LRP11: variants seen among roughly 807,000 people sequenced by gnomAD.
The protein encoded by LRP11 is low-density lipoprotein receptor-related protein 11.
A neutral mutation model predicts 43.1 loss-of-function variants in LRP11; 25 were observed. The ratio of observed to expected loss-of-function variants is 0.58; its 90% CI spans 0.42 to 0.81. The LOEUF is 0.81. Among genes scored for constraint, LRP11 ranks in the 30% least tolerant of loss-of-function variants. The pLI, the probability that LRP11 is intolerant of heterozygous loss-of-function variation, is 0.00. For missense variants in LRP11, 623 were observed against 665.1 expected, an observed-to-expected ratio of 0.94 and a Z score of 0.70; for synonymous variants, 316 against 299.4, an observed-to-expected ratio of 1.06 and a Z score of -0.57.
chr6:149,825,785 A>AATTCGCCTC (rs1161851594), intron 6 of LRP11, among the ~76,000 whole-genome samples: 1 of 151,870 alleles, frequency 6.6e-6, no homozygotes, highest in Non-Finnish European at 1.5e-5. Flanking sequence ...CCTCCCTGGG[A>AATTCGCCTC]CTACAGGCGA....
chr6:149,853,664 C>T (rs1177430465), intron 1 of LRP11, among the ~76,000 whole-genome samples: 1 of 152,162 alleles, frequency 6.6e-6, no homozygotes, highest in Non-Finnish European at 1.5e-5. Flanking sequence ...TGTGCCACCA[C>T]ATCCTGCTAA....
At position 149,827,003 on chromosome 6, in the gene LRP11, G is replaced by A. The variant is rs1373993434; in HGVS notation, c.1253-644C>T. Among the ~76,000 whole-genome samples, 1 of 146,610 alleles carries A rather than the reference G, an allele frequency of 6.8e-6. No individual in the cohort carries two copies. Among genetic ancestry groups the A allele is most frequent in the African/African-American group, 2.6e-5 (1 of 38,922 alleles). On this transcript the variant is annotated intron_variant, in intron 5 of 6. Coordinates refer to ENST00000239367, the MANE Select transcript of LRP11 (RefSeq NM_032832.6). The surrounding 1 kb of genome is among the most constrained non-coding windows in gnomAD (Gnocchi z 4.2). ...TTTTTTTTTTTGAGACAGAGTCTCTGTTGCCCAGATTGGAGTGCAGTGGCA... is the reference window on the plus strand; with the variant it reads ...TTTTTTTTTTTGAGACAGAGTCTCTATTGCCCAGATTGGAGTGCAGTGGCA...
intron 3 of LRP11, 53 bp from the exon 4 acceptor site, chr6:149,837,516 G>C: frequency 6.3e-7 from 1 of 1,586,288 alleles, no homozygotes; most frequent in South Asian, 1.1e-5. Flanking sequence ...AGACTCTCAA[G>C]ATGGGGATGA....
rs931105590 is a variant in LRP11, at chr6:149,863,701, G to A, written c.320C>T (p.Thr107Ile). Residue 107 changes from threonine to isoleucine, a missense_variant, in exon 1 of 7, where the codon ACC (threonine) becomes ATC (isoleucine). By Grantham distance (89) the Thr-to-Ile change is moderately conservative. Transcript: ENST00000239367. ...GGCACCCGCCGCCAGGGAGTCCTTG[G>A]TGCGGATGATGGCGTCAGGCATTGC... ...YSAMPDAIIR[T>I]KDSLAAGASF... 2.0e-6 allele frequency: 3 copies of A among 1,481,738 alleles called. No homozygotes were observed. Among genetic ancestry groups the A allele is most frequent in the Middle Eastern group, 2.3e-4 (1 of 4,280 alleles). 91.8% of individuals were successfully genotyped at this position (1,481,738 alleles called of 1,614,324 possible).
intron 2 of LRP11, chr6:149,852,617 T>C (rs1776737812): frequency 6.3e-6 from 1 of 157,694 alleles, no homozygotes; most frequent in Non-Finnish European, 1.4e-5. Context: ...CCTATTGTTA[T>C]TGTCCTCTTT....
chr6:149,841,354 T>A (rs907378496), intron 3 of LRP11, among the ~76,000 whole-genome samples: 3 of 152,182 alleles, frequency 2.0e-5, no homozygotes, highest in Non-Finnish European at 4.4e-5. Context: ...GTCACAGACT[T>A]ACTGCAAGTT....
chr6:149,854,949 ACT>A (rs1776776723), intron 1 of LRP11, among the ~76,000 whole-genome samples: 1 of 152,094 alleles, frequency 6.6e-6, no homozygotes, highest in Non-Finnish European at 1.5e-5. Context: ...AGCTGAAATG[ACT>A]CTTCTGGAAA....
chr6:149,825,934 C>T (rs1382271249), intron 6 of LRP11, among the ~76,000 whole-genome samples: 2 of 152,208 alleles, frequency 1.3e-5, no homozygotes, highest in Admixed American at 6.5e-5. Flanking sequence ...CAGGCGTGAG[C>T]CACTGTGCCC....
At position 149,820,708 on chromosome 6, in the gene LRP11, G is replaced by A. The variant is rs747564531; in HGVS notation, c.1349-5C>T. The A allele has an allele frequency of 3.8e-6, 3 of 780,828 alleles. No homozygotes were observed. Among genetic ancestry groups the A allele is most frequent in the Non-Finnish European group, 7.2e-6 (3 of 418,048 alleles). 48.4% of individuals were successfully genotyped at this position (780,828 alleles called of 1,614,324 possible). A position where few individuals can be genotyped will look rare whatever the true frequency, so the allele number is the denominator to read the frequency against. ...GCGCCAGGGGTAGCACTGCACCTTT[G>A]AGAAGGTTAGACATGAAGAGGGCAA... On this transcript the variant is annotated splice_polypyrimidine_tract_variant and splice_region_variant and intron_variant, in intron 6 of 6. Coordinates refer to ENST00000239367, the MANE Select transcript of LRP11 (RefSeq NM_032832.6).
intron 1 of LRP11, among the ~76,000 whole-genome samples, chr6:149,861,830 T>C (rs185935299): frequency 6.6e-6 from 1 of 152,330 alleles, no homozygotes; most frequent in African/African-American, 2.4e-5. Context: ...CTCCAAGTAA[T>C]CTAAACTTTA....
chr6:149,839,467 C>T lies in LRP11; in HGVS notation c.914-2004G>A, dbSNP rs181850211. On this transcript the variant is annotated intron_variant, in intron 3 of 6. Coordinates refer to ENST00000239367, the MANE Select transcript of LRP11 (RefSeq NM_032832.6). ...GGATATCAAGCAGGATACAGTTCCT[C>T]GTCAGGTTTCTTAAATTCATGGCAT... Among the ~76,000 whole-genome samples the T allele has an allele frequency of 1.5e-4, 23 of 152,180 alleles. No individual in the cohort carries two copies. The East Asian group carries it at 2.9e-3, about 19-fold the overall frequency.
rs763138179 is a variant in LRP11 at position 149,826,337 on chromosome 6, G to A, written c.1275C>T (p.Asn425=). The A allele has an allele frequency of 3.1e-6, 5 of 1,613,078 alleles. No homozygotes were observed. The African/African-American group carries it at 6.7e-5, about 22-fold the overall frequency. ...CAAATATATAACTTTCCTCTTTTCT[G>A]TTCTTCCCTGAGGAACTACTATCTG... ...VMPDSSSSGK[N]RKEESYIFES... The change falls in exon 6 of 7, where the codon AAC becomes AAT. Residue 425 remains asparagine (N), a synonymous_variant. Transcript: ENST00000239367.
Position 149,853,160 on chromosome 6 carries a change from T to A in LRP11, c.614A>T (p.Glu205Val). 6.4e-7 allele frequency: 1 copy of A among 1,558,564 alleles called. No individual in the cohort carries two copies. The highest frequency in any genetic ancestry group is 1.2e-5 in the South Asian group (1 of 82,862). The change falls in exon 2 of 7, where the codon GAA (glutamate) becomes GTA (valine). Residue 205 changes from glutamate to valine, a missense_variant and splice_region_variant. Physicochemically the swap from Glu to Val is moderately radical, Grantham distance 121. Coordinates refer to ENST00000239367, the MANE Select transcript of LRP11 (RefSeq NM_032832.6). ...LATARASPRQ[E>V]KDAPPLSKAG... ...CTTGCTAAGTGGAGGCGCATCCTTT[T>A]CTGAGAAAGAAAATAAATAATTCAT...
At chr6:149,837,308 C>T (rs771170976) in intron 4 of LRP11, 30 bp downstream of exon 4, 1 of 1,606,518 alleles carries the variant, frequency 6.2e-7, no homozygotes, top group South Asian at 1.1e-5. Context: ...CTTCCAGCCA[C>T]TGCCTAGCAA....
intron 5 of LRP11, among the ~76,000 whole-genome samples, chr6:149,829,713 C>T (rs918477685): frequency 6.6e-6 from 1 of 151,992 alleles, no homozygotes; most frequent in Non-Finnish European, 1.5e-5. Flanking sequence ...AAGATAACTG[C>T]ATTTACAGTG....
At chr6:149,856,779 T>C (rs533196371) in intron 1 of LRP11, among the ~76,000 whole-genome samples, 119 of 152,290 alleles carry the variant, frequency 7.8e-4, no homozygotes, top group Admixed American at 1.1e-3. Context: ...AACACGCTAC[T>C]GTGCACAGAG....
intron 1 of LRP11, among the ~76,000 whole-genome samples, chr6:149,861,029 G>A (rs983277764): frequency 6.6e-6 from 1 of 152,218 alleles, no homozygotes; most frequent in Non-Finnish European, 1.5e-5. Flanking sequence ...GGGCTGGTGT[G>A]TCCTGCTGTA....
chr6:149,846,523 C>T (rs889988715), intron 2 of LRP11, among the ~76,000 whole-genome samples: 3 of 152,112 alleles, frequency 2.0e-5, no homozygotes, highest in Admixed American at 6.6e-5. Flanking sequence ...TGAGTGGAGG[C>T]GTGGGCTGCA....
At chr6:149,831,720 G>A (rs1984111) in intron 5 of LRP11, among the ~76,000 whole-genome samples, 75,811 of 152,124 alleles carry the variant, frequency 0.5, 20,841 homozygotes, top group East Asian at 0.83. Context: ...CCAGGCTGGA[G>A]TACAGTGGTG....
Sources: gnomAD v4.1 joint callset for allele counts (sites outside exome capture counted in the v4.1 genomes callset) on GRCh38, gnomAD v4.1.1 for gene constraint, Gnocchi (gnomAD v3.1) non-coding constraint, MANE v1.5 for transcripts, NCBI Gene and HGNC (gene_info 2026-07-23, HGNC 2026-07-21) for gene names.